NDUFA13: variants seen among roughly 807,000 people sequenced by gnomAD.
The protein encoded by NDUFA13 is NADH:ubiquinone oxidoreductase subunit A13, also known as NADH dehydrogenase [ubiquinone] 1 alpha subcomplex subunit 13.
Under a neutral mutation model 17.0 loss-of-function variants are expected in NDUFA13, and 16 were observed. The ratio of observed to expected loss-of-function variants is 0.94; its 90% confidence interval spans 0.64 to 1.43. NDUFA13 has a LOEUF of 1.43. Among genes scored for constraint, NDUFA13 ranks in the 40% most tolerant of loss-of-function variants. The pLI, the probability that NDUFA13 is intolerant of heterozygous loss-of-function variation, is 0.00. For synonymous variants in NDUFA13, 87 were observed against 78.4 expected, an observed-to-expected ratio of 1.11 and a Z score of -0.58; for missense variants, 228 against 206.7, an observed-to-expected ratio of 1.10 and a Z score of -0.63.
rs151061410 is a variant in NDUFA13 at position 19,519,893 on chromosome 19, C to T, written c.94+3561C>T. Among the ~76,000 whole-genome samples the T allele has an allele frequency of 9.5e-4, 144 of 152,232 alleles. No individual in the cohort carries two copies. The East Asian group carries it at 0.015, about 15-fold the overall frequency. On this transcript the variant is annotated intron_variant, in intron 1 of 4. Coordinates refer to ENST00000507754, the MANE Select transcript of NDUFA13 (RefSeq NM_015965.7). ...CCCCAAGCCTGGCACCCACTCCCTT[C>T]TGTCTGCCTGGGTCAGCCATTCACT...
In NDUFA13 at chr19:19,519,639, A is replaced by T. The variant is rs142948456; in HGVS notation, c.94+3307A>T. On this transcript the variant is annotated intron_variant, in intron 1 of 4. Coordinates refer to ENST00000507754, the MANE Select transcript of NDUFA13 (RefSeq NM_015965.7). ...CAGCTGAGCTGAAGAGATACAACAC[A>T]TCATGCCAGGATTTCTAGTTGTTGG... Among the ~76,000 whole-genome samples, 324 of 152,348 alleles carry T rather than the reference A, an allele frequency of 2.1e-3. 2 individuals are homozygous for T. Among genetic ancestry groups the T allele is most frequent in the South Asian group, 0.016 (78 of 4,824 alleles).
At chr19:19,527,166 C>T (rs1195105235) in intron 2 of NDUFA13, 115 bp from the exon 3 acceptor site, 7 of 900,414 alleles carry the variant, frequency 7.8e-6, no homozygotes, top group South Asian at 1.4e-5. Flanking sequence ...CTGCCTGCCT[C>T]CCCGCCCCCC....
intron 1 of NDUFA13, among the ~76,000 whole-genome samples, chr19:19,524,820 TAAAA>T (rs959319761): frequency 6.7e-6 from 1 of 150,222 alleles, no homozygotes; most frequent in South Asian, 2.1e-4. Flanking sequence ...ATAAATTAAT[TAAAA>T]AAAAGAAAAG....
intron 1 of NDUFA13, among the ~76,000 whole-genome samples, chr19:19,525,312 C>T (rs548788815): frequency 6.6e-6 from 1 of 152,362 alleles, no homozygotes; most frequent in Admixed American, 6.5e-5. Flanking sequence ...CCCGTGAGCT[C>T]CATGCTGGAG....
intron 1 of NDUFA13, chr19:19,525,952 C>G (rs1383616818): frequency 1.5e-6 from 2 of 1,348,244 alleles, no homozygotes; most frequent in African/African-American, 2.9e-5. Flanking sequence ...CACGATGGAC[C>G]TGGGGCCCCC....
chr19:19,525,266 A>G (rs1357944086), intron 1 of NDUFA13, among the ~76,000 whole-genome samples: 2 of 152,238 alleles, frequency 1.3e-5, no homozygotes, highest in African/African-American at 4.8e-5. Flanking sequence ...AATTTGAGCC[A>G]GTTTCTCATT....
chr19:19,526,628 G>A (rs111406321), intron 2 of NDUFA13: 54,668 of 355,110 alleles, frequency 0.15, 4,500 homozygotes, highest in Middle Eastern at 0.26. Context: ...TGAGTGGGGG[G>A]CCTGCCTCGG....
intron 1 of NDUFA13, among the ~76,000 whole-genome samples, chr19:19,523,449 T>G (rs1399221726): frequency 6.6e-6 from 1 of 151,928 alleles, no homozygotes; most frequent in East Asian, 1.9e-4. Context: ...TTTCTTTTTT[T>G]TTTGTTTTTG....
At chr19:19,527,451 G>T in intron 3 of NDUFA13, 99 bp downstream of exon 3, 1 of 1,412,256 alleles carries the variant, frequency 7.1e-7, no homozygotes, top group South Asian at 1.2e-5. Flanking sequence ...ATGCACGTGG[G>T]GGCCATCGCC....
chr19:19,527,458 C>T (rs1444028542), intron 3 of NDUFA13, 106 bp downstream of exon 3: 11 of 1,350,608 alleles, frequency 8.1e-6, no homozygotes, highest in Admixed American at 3.5e-5. Context: ...TGGGGGCCAT[C>T]GCCCTGTGCC....
chr19:19,517,468 TC>T (rs2061055307), intron 1 of NDUFA13, among the ~76,000 whole-genome samples: 1 of 152,120 alleles, frequency 6.6e-6, no homozygotes, highest in African/African-American at 2.4e-5. Context: ...CACCTCGGCT[TC>T]CCAAAGTGAT....
Position 19,526,182 on chromosome 19 carries a change from G to A in NDUFA13, c.95G>A (p.Gly32Asp). 1 of 1,613,886 alleles carries A rather than the reference G, an allele frequency of 6.2e-7. No individual in the cohort carries two copies. The highest frequency in any genetic ancestry group is 1.7e-5 in the Admixed American group (1 of 60,020). Reference protein sequence around the residue: ...KRNLPRRGLSGYSMLAIGIGT... With the variant: ...KRNLPRRGLSDYSMLAIGIGT... ...CGCTGAGCAGCGCCTCTCTTCACAG[G>A]CTACAGCATGCTGGCCATAGGGATT... is the stretch of plus-strand genomic sequence containing the variant. Residue 32 changes from glycine (G) to aspartate (D), a missense_variant and splice_region_variant, in exon 2 of 5, where the codon GGC becomes GAC. By Grantham distance (94) the Gly-to-Asp change is moderately conservative (BLOSUM62 -1). Transcript: ENST00000507754.
chr19:19,523,444 T>C (rs1011269588), intron 1 of NDUFA13, among the ~76,000 whole-genome samples: 1 of 150,972 alleles, frequency 6.6e-6, no homozygotes, highest in African/African-American at 2.4e-5. Context: ...ATATTTTTCT[T>C]TTTTTTTTGT....
At chr19:19,517,793 C>T (rs965485462) in intron 1 of NDUFA13, among the ~76,000 whole-genome samples, 7 of 151,922 alleles carry the variant, frequency 4.6e-5, no homozygotes, top group Admixed American at 1.3e-4. Context: ...TCCCAAAGTG[C>T]TGGAATTACA....
chr19:19,526,963 T>C (rs1227594901), intron 2 of NDUFA13, among the ~76,000 whole-genome samples: 1 of 152,192 alleles, frequency 6.6e-6, no homozygotes, highest in African/African-American at 2.4e-5. Context: ...CGTGATGAAG[T>C]CACCCCCTCT....
At position 19,526,221 on chromosome 19, in the gene NDUFA13, A is replaced by G. The variant is rs561443230; in HGVS notation, c.134A>G (p.Tyr45Cys). ...MLAIGIGTLI[Y>C]GHWSIMKWNR... Reference sequence around the variant, plus strand: ...GCCATAGGGATTGGAACCCTGATCTACGGGCACTGGAGCATAATGAAGTGG... The same window carrying G: ...GCCATAGGGATTGGAACCCTGATCTGCGGGCACTGGAGCATAATGAAGTGG... Residue 45 changes from tyrosine (Y) to cysteine (C), a missense_variant, in exon 2 of 5, where the codon TAC becomes TGC. By Grantham distance (194) the Tyr-to-Cys change is radical. Transcript: ENST00000507754. The G allele has an allele frequency of 6.8e-6, 11 of 1,614,146 alleles. No individual in the cohort carries two copies. The Admixed American group carries it at 1.2e-4, about 17-fold the overall frequency.
intron 2 of NDUFA13, 117 bp from the exon 3 acceptor site, chr19:19,527,164 C>CG: frequency 9.9e-7 from 1 of 1,014,864 alleles, no homozygotes; most frequent in Non-Finnish European, 1.5e-6. Flanking sequence ...CCCTGCCTGC[C>CG]TCCCCGCCCC....
chr19:19,516,255 T>G lies in NDUFA13; in HGVS notation c.17T>G (p.Val6Gly). Residue 6 changes from valine to glycine, a missense_variant, in exon 1 of 5, where the codon GTG becomes GGG. Val to Gly is a moderately radical substitution (Grantham distance 109, BLOSUM62 -3). Transcript: ENST00000507754. ...ACTGCGAGTATGGCGGCGTCAAAGG[T>G]GAAGCAGGACATGCCTCCGCCGGGG... MAASK[V>G]KQDMPPPGGY... 2.5e-6 allele frequency: 4 copies of G among 1,613,664 alleles called. No individual in the cohort carries two copies. Among genetic ancestry groups the G allele is most frequent in the Non-Finnish European group, 3.4e-6 (4 of 1,179,946 alleles).
rs1295037542 is a variant in NDUFA13, at chr19:19,527,358, A to T, written c.245+6A>T. 6.2e-7 allele frequency: 1 copy of T among 1,613,654 alleles called. No homozygotes were observed. The highest frequency in any genetic ancestry group is 8.5e-7 in the Non-Finnish European group (1 of 1,180,016). ...CAGGCAGAAACCGACCGGAGGTAGC[A>T]CCGCAGGGGCCAAGGTTGGGAGGTC... On this transcript the variant is annotated splice_donor_region_variant and intron_variant, in intron 3 of 4. Transcript: ENST00000507754.
Sources: gnomAD v4.1 joint callset for allele counts (sites outside exome capture counted in the v4.1 genomes callset) on GRCh38, gnomAD v4.1.1 for gene constraint, MANE v1.5 for transcripts, NCBI Gene and HGNC (gene_info 2026-07-23, HGNC 2026-07-21) for gene names.